The following ARHGEF28 variants were observed in gnomAD, a reference collection of about 807,000 sequenced individuals.
The protein encoded by ARHGEF28 is Rho guanine nucleotide exchange factor 28, also known as 190 kDa guanine nucleotide exchange factor.
Under a neutral mutation model 206.6 loss-of-function variants are expected in ARHGEF28, and 152 were observed. That is an observed-to-expected ratio of 0.74 (90% CI 0.64 to 0.84). ARHGEF28 has a LOEUF of 0.84. ARHGEF28 is among the 40% of genes least tolerant of loss of function. ARHGEF28 has a pLI of 0.00. For synonymous variants in ARHGEF28, 763 were observed against 776.4 expected (o/e 0.98, Z 0.29); for missense variants, 2,028 against 2,073.2 (o/e 0.98, Z 0.42).
chr5:73,727,293 G>A (rs923091151), intron 2 of ARHGEF28, among the ~76,000 whole-genome samples: 2 of 152,150 alleles, frequency 1.3e-5, no homozygotes, highest in Non-Finnish European at 2.9e-5. Context: ...ATCTTCTTGG[G>A]GAGTTTGTCT....
At chr5:73,648,856 T>G (rs1351375541) in intron 1 of ARHGEF28, among the ~76,000 whole-genome samples, 1 of 152,162 alleles carries the variant, frequency 6.6e-6, no homozygotes, top group African/African-American at 2.4e-5. Context: ...AAACAGAAAC[T>G]TCACTTCTCC....
chr5:73,739,618 G>A (rs1751238197), intron 2 of ARHGEF28, among the ~76,000 whole-genome samples: 1 of 151,386 alleles, frequency 6.6e-6, no homozygotes, highest in Non-Finnish European at 1.5e-5. Flanking sequence ...CAGGAGTTCA[G>A]GACCAGCCTG....
intron 1 of ARHGEF28, chr5:73,627,362 G>A (rs1190862689): frequency 6.6e-6 from 1 of 151,710 alleles, no homozygotes; most frequent in African/African-American, 2.4e-5. Context: ...TTTCTGAAGC[G>A]TTGTTATCTT....
intron 4 of ARHGEF28, among the ~76,000 whole-genome samples, chr5:73,760,449 A>G (rs1389994288): frequency 6.6e-6 from 1 of 151,992 alleles, no homozygotes; most frequent in African/African-American, 2.4e-5. Context: ...GTCAATTCTG[A>G]TAGTATCTAA....
intron 1 of ARHGEF28, among the ~76,000 whole-genome samples, chr5:73,644,392 C>T (rs1350157833): frequency 6.6e-6 from 1 of 152,230 alleles, no homozygotes; most frequent in East Asian, 1.9e-4. Flanking sequence ...GTCTGTGTTT[C>T]CATGCTCTCG....
At chr5:73,908,650 T>A (rs1034022108) in intron 33 of ARHGEF28, 16 of 152,228 alleles carry the variant, frequency 1.1e-4, no homozygotes, top group Non-Finnish European at 4.4e-5. Context: ...AAATGTTTTT[T>A]TAATCTGGTT....
At chr5:73,904,109 C>A in intron 31 of ARHGEF28, 113 bp from the exon 32 acceptor site, 1 of 1,012,846 alleles carries the variant, frequency 9.9e-7, no homozygotes, top group Non-Finnish European at 1.5e-6. Flanking sequence ...ATAAGGTAAT[C>A]AAGTTTAGAG....
rs1274293475 is a variant in ARHGEF28, at chr5:73,846,429, T to A, written c.1589T>A (p.Ile530Asn). Reference protein sequence around the residue: ...FETNTEPDFNISRAESLPLSS... With the variant: ...FETNTEPDFNNSRAESLPLSS... ...ACTAACACTGAACCGGATTTTAATA[T>A]CTCCAGGGCTGAATCCCTTCCTCTA... The change falls in exon 12 of 36, where the codon ATC (isoleucine) becomes AAC (asparagine). Residue 530 changes from isoleucine to asparagine, a missense_variant. Physicochemically the swap from Ile to Asn is moderately radical, Grantham distance 149. Coordinates refer to ENST00000513042, the MANE Select transcript of ARHGEF28 (RefSeq NM_001177693.2). 1.2e-5 allele frequency: 19 copies of A among 1,613,860 alleles called. No homozygotes were observed. The highest frequency in any genetic ancestry group is 1.6e-5 in the Non-Finnish European group (19 of 1,179,888).
intron 1 of ARHGEF28, among the ~76,000 whole-genome samples, chr5:73,659,695 C>T (rs1745465348): frequency 6.6e-6 from 1 of 152,040 alleles, no homozygotes; most frequent in African/African-American, 2.4e-5. Context: ...ATTTCAGTTC[C>T]ACATCACCAC....
intron 5 of ARHGEF28, among the ~76,000 whole-genome samples, chr5:73,776,086 A>C (rs1753523924): frequency 6.6e-6 from 1 of 152,194 alleles, no homozygotes; most frequent in African/African-American, 2.4e-5. Context: ...TCCAAACCTC[A>C]CCATGTTCCC....
intron 14 of ARHGEF28, among the ~76,000 whole-genome samples, chr5:73,857,224 C>A (rs181463494): frequency 6.6e-6 from 1 of 152,224 alleles, no homozygotes; most frequent in Admixed American, 6.5e-5. Context: ...AAATAAAATC[C>A]AGTTGCATAT....
intron 12 of ARHGEF28, 53 bp downstream of exon 12, chr5:73,846,528 C>T: frequency 6.6e-7 from 1 of 1,521,926 alleles, no homozygotes. Context: ...AATATGTTGT[C>T]TGCATTTACC....
At chr5:73,663,789 G>T (rs1164739400) in intron 1 of ARHGEF28, among the ~76,000 whole-genome samples, 1 of 152,176 alleles carries the variant, frequency 6.6e-6, no homozygotes, top group Non-Finnish European at 1.5e-5. Flanking sequence ...TTGTAGGAAA[G>T]TTCTTTTTTG....
intron 24 of ARHGEF28, among the ~76,000 whole-genome samples, chr5:73,884,364 A>G (rs573650850): frequency 1.3e-5 from 2 of 152,346 alleles, no homozygotes; most frequent in East Asian, 1.9e-4. Context: ...TTAAGAAGCT[A>G]TGAATGCACA....
At chr5:73,736,315 C>T (rs59182365) in intron 2 of ARHGEF28, among the ~76,000 whole-genome samples, 30,880 of 152,092 alleles carry the variant, frequency 0.2, 3,302 homozygotes, top group Non-Finnish European at 0.23. Flanking sequence ...GCAGCACTGA[C>T]CACAGTGGCA....
In ARHGEF28 at chr5:73,834,167, C is replaced by T. The variant is rs187614205; in HGVS notation, c.1146+1708C>T. Among the ~76,000 whole-genome samples the T allele has an allele frequency of 3.7e-4, 56 of 152,246 alleles. 1 individual carries two copies. In the East Asian group the frequency reaches 9.9e-3, roughly 27 times the overall value. Reference sequence around the variant, plus strand: ...TTACCACAATCAAGCTAATTAAGCACATATATCATCTCACATATTTATTTT... The same window carrying T: ...TTACCACAATCAAGCTAATTAAGCATATATATCATCTCACATATTTATTTT... On this transcript the variant is annotated intron_variant, in intron 10 of 35. Transcript: ENST00000513042.
intron 9 of ARHGEF28, chr5:73,813,438 G>A: frequency 7.1e-7 from 1 of 1,401,728 alleles, no homozygotes; most frequent in Admixed American, 2.8e-5. Flanking sequence ...AACATTTATT[G>A]CCTTTCCCTC....
intron 2 of ARHGEF28, among the ~76,000 whole-genome samples, chr5:73,723,642 A>C (rs1329991267): frequency 6.6e-6 from 1 of 152,208 alleles, no homozygotes; most frequent in African/African-American, 2.4e-5. Context: ...AAAACAAAAA[A>C]ACCAGTTCCC....
In ARHGEF28 at chr5:73,809,769, T is replaced by C. The variant is rs1333632357; in HGVS notation, c.1024+14378T>C. Among the ~76,000 whole-genome samples the C allele has an allele frequency of 2.6e-5, 4 of 152,202 alleles. No homozygotes were observed. In the East Asian group the frequency reaches 7.7e-4, roughly 29 times the overall value. Reference sequence around the variant, plus strand: ...AATTATAACCTCATGGAAGTTCTTTTCTAGGTGAAGAATTTTGTAATTAAA... The same window carrying C: ...AATTATAACCTCATGGAAGTTCTTTCCTAGGTGAAGAATTTTGTAATTAAA... On this transcript the variant is annotated intron_variant, in intron 9 of 35. Transcript: ENST00000513042.
Sources: allele counts gnomAD v4.1 joint callset (sites outside exome capture counted in the v4.1 genomes callset), GRCh38; gene constraint gnomAD v4.1.1; transcripts MANE v1.5; gene names NCBI Gene and HGNC (gene_info 2026-07-23, HGNC 2026-07-21).